The following BCO1 variants were observed in gnomAD, a reference collection of about 807,000 sequenced individuals.
The protein encoded by BCO1 is beta,beta-carotene 15,15'-dioxygenase.
A neutral mutation model predicts 56.3 loss-of-function variants in BCO1; 54 were observed. The ratio of observed to expected loss-of-function variants is 0.96; its 90% confidence interval spans 0.77 to 1.20. The LOEUF is 1.20. Ranked by LOEUF, BCO1 falls within the 50% of genes most tolerant of loss-of-function variation. The pLI is 0.00. For synonymous variants in BCO1, 318 were observed against 266.1 expected (o/e 1.20, Z -1.90); for missense variants, 801 against 690.9 (o/e 1.16, Z -1.79).
At chr16:81,272,271 G>A (rs1278652011) in intron 7 of BCO1, among the ~76,000 whole-genome samples, 8 of 151,452 alleles carry the variant, frequency 5.3e-5, no homozygotes, top group African/African-American at 1.9e-4. Flanking sequence ...CTGCCACCAC[G>A]CCTGGCTAAT....
At chr16:81,258,086 A>G (rs1301829670) in intron 2 of BCO1, among the ~76,000 whole-genome samples, 3 of 152,118 alleles carry the variant, frequency 2.0e-5, no homozygotes, top group Non-Finnish European at 4.4e-5. Flanking sequence ...CAGCTTCTCA[A>G]AGCTAGAAAA....
chr16:81,256,707 G>C lies in BCO1; in HGVS notation c.194-2969G>C, dbSNP rs552807213. On this transcript the variant is annotated intron_variant, in intron 2 of 10. Transcript: ENST00000258168. ...GTTTGAGACCAGCCCGGCCAACAGA[G>C]TAAAACCTCGTCTCTACTAAAAATA... Among the ~76,000 whole-genome samples the C allele has an allele frequency of 1.1e-4, 16 of 152,184 alleles. 1 individual carries two copies. In the South Asian group the frequency reaches 3.3e-3, roughly 32 times the overall value.
At chr16:81,274,570 C>T (rs1907439142) in intron 7 of BCO1, among the ~76,000 whole-genome samples, 1 of 150,578 alleles carries the variant, frequency 6.6e-6, no homozygotes, top group South Asian at 2.2e-4. Flanking sequence ...AGCCCCCTAG[C>T]TTGTGTATCT....
At chr16:81,265,483 C>T (rs1906757673) in intron 5 of BCO1, among the ~76,000 whole-genome samples, 1 of 135,412 alleles carries the variant, frequency 7.4e-6, no homozygotes, top group Admixed American at 7.5e-5. Flanking sequence ...ACCCACCCAC[C>T]CGCCCACCCA....
intron 9 of BCO1, among the ~76,000 whole-genome samples, chr16:81,286,434 G>T (rs1348519952): frequency 6.6e-6 from 1 of 152,210 alleles, no homozygotes; most frequent in Non-Finnish European, 1.5e-5. Flanking sequence ...GGGAGATTAA[G>T]AGAGATTCAG....
intron 8 of BCO1, among the ~76,000 whole-genome samples, chr16:81,283,337 C>A (rs954578428): frequency 1.3e-5 from 2 of 151,938 alleles, no homozygotes; most frequent in Non-Finnish European, 2.9e-5. Context: ...TGCCTGTAAT[C>A]CCAGCACTTT....
At chr16:81,262,411 C>A in intron 4 of BCO1, 128 bp downstream of exon 4, 1 of 988,122 alleles carries the variant, frequency 1.0e-6, no homozygotes, top group Non-Finnish European at 1.6e-6. Context: ...ACCGTTGGAT[C>A]CCGTGCCCTA....
At chr16:81,274,138 G>A (rs1272816470) in intron 7 of BCO1, among the ~76,000 whole-genome samples, 2 of 151,870 alleles carry the variant, frequency 1.3e-5, no homozygotes, top group Non-Finnish European at 2.9e-5. Flanking sequence ...CCTAGGGATA[G>A]TACACAGAGA....
intron 1 of BCO1, among the ~76,000 whole-genome samples, chr16:81,242,471 G>T (rs1451393051): frequency 6.6e-6 from 1 of 152,010 alleles, no homozygotes; most frequent in African/African-American, 2.4e-5. Flanking sequence ...CTAGTGCTAG[G>T]ATAACAGGCC....
chr16:81,247,239 A>T (rs1474184491), intron 2 of BCO1, among the ~76,000 whole-genome samples: 2 of 152,192 alleles, frequency 1.3e-5, no homozygotes, highest in Non-Finnish European at 2.9e-5. Flanking sequence ...GATTACGTTA[A>T]GTCTCTCAGC....
chr16:81,241,696 G>T (rs942217931), intron 1 of BCO1, among the ~76,000 whole-genome samples: 3 of 152,184 alleles, frequency 2.0e-5, no homozygotes, highest in African/African-American at 7.2e-5. Flanking sequence ...AGGCAGAGGG[G>T]CAGTGACTTG....
chr16:81,261,780 C>A (rs973691622), intron 3 of BCO1: 2 of 257,676 alleles, frequency 7.8e-6, no homozygotes, highest in Non-Finnish European at 7.7e-6. Flanking sequence ...CTCGCTCTTT[C>A]GCCCAGGCTG....
chr16:81,249,049 C>T (rs11644603), intron 2 of BCO1, among the ~76,000 whole-genome samples: 1 of 150,708 alleles, frequency 6.6e-6, no homozygotes, highest in African/African-American at 2.4e-5. Context: ...TCCATGAGGC[C>T]TTGCTTCCCC....
At chr16:81,261,544 T>C (rs1385184583) in intron 3 of BCO1, among the ~76,000 whole-genome samples, 1 of 152,136 alleles carries the variant, frequency 6.6e-6, no homozygotes, top group Admixed American at 6.5e-5. Flanking sequence ...TTTGGAACAG[T>C]ATGTCTTGCT....
At chr16:81,280,834 T>C (rs1907836716) in intron 7 of BCO1, 23 bp from the exon 8 acceptor site, 2 of 1,575,402 alleles carry the variant, frequency 1.3e-6, no homozygotes, top group African/African-American at 2.7e-5. Flanking sequence ...TTATTTTACT[T>C]TTTGAAAACT....
chr16:81,264,931 T>G lies in BCO1; in HGVS notation c.619+144T>G, dbSNP rs867118720. The G allele has an allele frequency of 2.4e-5, 22 of 911,546 alleles. No homozygotes were observed. The Middle Eastern group carries it at 4.5e-3, about 185-fold the overall frequency. The allele number at this position is 911,546 out of a possible 1,614,324, so 56.5% of individuals were successfully genotyped here. On this transcript the variant is annotated intron_variant, in intron 5 of 10. Transcript: ENST00000258168. The stretch of plus-strand genomic sequence containing the variant: ...GAGGTGGACCATGAAGTCAGTACTT[T>G]CCTTTAGAAGAGAAGAGGAGATGCT...
chr16:81,280,750 C>G, intron 7 of BCO1, 107 bp from the exon 8 acceptor site: 1 of 797,118 alleles, frequency 1.3e-6, no homozygotes, highest in South Asian at 1.5e-5. Flanking sequence ...TGAGGCTAAG[C>G]CAAGATGACA....
At chr16:81,252,412 T>C (rs1029776503) in intron 2 of BCO1, among the ~76,000 whole-genome samples, 1 of 152,062 alleles carries the variant, frequency 6.6e-6, no homozygotes, top group Admixed American at 6.6e-5. Flanking sequence ...CCCGGCACCA[T>C]GCCCAGCTAA....
intron 2 of BCO1, among the ~76,000 whole-genome samples, chr16:81,259,381 C>T (rs538815561): frequency 6.6e-6 from 1 of 152,062 alleles, no homozygotes; most frequent in African/African-American, 2.4e-5. Context: ...ATAATCCTAG[C>T]CACTCAGGAG....
Sources: allele counts gnomAD v4.1 joint callset (sites outside exome capture counted in the v4.1 genomes callset), GRCh38; gene constraint gnomAD v4.1.1; transcripts MANE v1.5; gene names NCBI Gene and HGNC (gene_info 2026-07-23, HGNC 2026-07-21).